Variants in FHL2 observed in about 807,000 individuals in gnomAD.
The protein encoded by FHL2 is four and a half LIM domains 2, also known as four and a half LIM domains protein 2.
In FHL2, 20 loss-of-function variants were observed where a neutral mutation model predicts 32.7. The observed-to-expected ratio is 0.61, with a 90% CI of 0.43 to 0.89. The LOEUF (loss-of-function observed/expected upper bound fraction) is 0.89. FHL2 is among the 40% of genes least tolerant of loss of function. The probability of loss-of-function intolerance (pLI) is 0.00; values close to 1 mark genes in which losing one functional copy is unlikely to be tolerated. For missense variants in FHL2, 311 were observed against 358.6 expected, an observed-to-expected ratio of 0.87 and a Z score of 1.07; for synonymous variants, 123 against 128.1, an observed-to-expected ratio of 0.96 and a Z score of 0.27.
At position 105,435,676 on chromosome 2, in the gene FHL2, G is replaced by A. The variant is rs142180589; in HGVS notation, c.-25+2723C>T. On this transcript the variant is annotated intron_variant, in intron 1 of 5. Transcript: ENST00000393352. ...GTCTTCACTAAAAAAACAAAAATTA[G>A]CCGGACATGGTGGCAGGCGCCTGTA... Among the ~76,000 whole-genome samples the A allele has an allele frequency of 4.6e-3, 700 of 152,188 alleles. 6 individuals carry two copies. The highest frequency in any genetic ancestry group is 0.016 in the African/African-American group (657 of 41,524).
At chr2:105,381,272 A>G (rs1174611640) in intron 3 of FHL2, among the ~76,000 whole-genome samples, 1 of 152,162 alleles carries the variant, frequency 6.6e-6, no homozygotes, top group African/African-American at 2.4e-5. Context: ...TCAAATCCTT[A>G]CAAATAAAGA....
At chr2:105,403,969 C>T (rs571989034), upstream of FHL2, among the ~76,000 whole-genome samples, 4 of 152,164 alleles carry the variant, frequency 2.6e-5, no homozygotes, top group Non-Finnish European at 4.4e-5. Context: ...GGCTTCTAGG[C>T]GTGTGCTCGC....
chr2:105,359,722 T>G (rs748481682), downstream of FHL2: 3 of 152,226 alleles, frequency 2.0e-5, no homozygotes, highest in Non-Finnish European at 4.4e-5. Context: ...TGTGTGTCTC[T>G]CCTGCTTTAC....
chr2:105,399,160 G>A (rs1573379195), upstream of FHL2: 2 of 1,361,512 alleles, frequency 1.5e-6, no homozygotes, highest in East Asian at 6.1e-5. Flanking sequence ...CGGGGGGCGG[G>A]CGCCCCCAGG....
rs369972168 is a variant in FHL2, at chr2:105,367,550, C to G, written c.501+20G>C. The G allele has an allele frequency of 2.5e-6, 4 of 1,601,200 alleles. No homozygotes were observed. Among genetic ancestry groups the G allele is most frequent in the Non-Finnish European group, 3.4e-6 (4 of 1,172,254 alleles). On this transcript the variant is annotated intron_variant, in intron 5 of 6. Coordinates refer to ENST00000530340, the MANE Select transcript of FHL2 (RefSeq NM_001318895.3). Reference sequence around the variant, plus strand: ...CAAACCAGCCAGAACGTGCAAGGGCCAAGGGGGCATCTGAGATACCTTTTT... The same window carrying G: ...CAAACCAGCCAGAACGTGCAAGGGCGAAGGGGGCATCTGAGATACCTTTTT...
chr2:105,405,832 C>T (rs1490528397), intron 1 of FHL2, among the ~76,000 whole-genome samples: 1 of 152,152 alleles, frequency 6.6e-6, no homozygotes, highest in Non-Finnish European at 1.5e-5. Flanking sequence ...TATGTGGCCA[C>T]AGGTAACACC....
upstream of FHL2, chr2:105,399,793 G>A (rs992560476): frequency 1.7e-6 from 1 of 594,604 alleles, no homozygotes; most frequent in Non-Finnish European, 2.8e-6. Context: ...ATCCCTGGGA[G>A]AGGGTGCGTC....
chr2:105,364,669 G>C (rs566559996), intron 5 of FHL2, among the ~76,000 whole-genome samples: 1 of 152,304 alleles, frequency 6.6e-6, no homozygotes, highest in Admixed American at 6.5e-5. Flanking sequence ...GTGGAAGATG[G>C]AGTGCAAGCA....
Position 105,398,970 on chromosome 2 carries a change from G to T in FHL2, c.-204C>A, listed in dbSNP as rs773979088. 18 of 1,528,998 alleles carry T rather than the reference G, an allele frequency of 1.2e-5. No homozygotes were observed. The East Asian group carries it at 4.3e-4, about 36-fold the overall frequency. 94.7% of individuals were successfully genotyped at this position (1,528,998 alleles called of 1,614,324 possible). ...GGCGCAGGGGGTTGGAGGTACTCAC[G>T]GCACCGCAGCGGGCCGGGGACTCCC... On this transcript the variant is annotated 5_prime_UTR_variant, in exon 1 of 7. Transcript: ENST00000530340.
At chr2:105,388,517 C>A (rs1424756176) in intron 2 of FHL2, among the ~76,000 whole-genome samples, 1 of 152,076 alleles carries the variant, frequency 6.6e-6, no homozygotes, top group Non-Finnish European at 1.5e-5. Flanking sequence ...GGAAAGTTTT[C>A]TCTGTTCTTA....
intron 1 of FHL2, among the ~76,000 whole-genome samples, chr2:105,427,611 G>A (rs577379673): frequency 6.6e-5 from 10 of 152,310 alleles, no homozygotes; most frequent in Admixed American, 5.2e-4. Flanking sequence ...CCTTGTGAGG[G>A]AGTTACATCA....
intron 5 of FHL2, 91 bp downstream of exon 5, chr2:105,367,479 T>C: frequency 7.7e-7 from 1 of 1,306,804 alleles, no homozygotes; most frequent in Non-Finnish European, 1.1e-6. Flanking sequence ...GTATCACAGG[T>C]ATCCTTGGTT....
At chr2:105,368,520 C>A (rs1201809178) in intron 4 of FHL2, among the ~76,000 whole-genome samples, 4 of 152,098 alleles carry the variant, frequency 2.6e-5, no homozygotes, top group Admixed American at 1.3e-4. Context: ...ACTTGTACAT[C>A]CCATTTAGTA....
upstream of FHL2, chr2:105,399,730 A>G: frequency 9.3e-7 from 1 of 1,072,458 alleles, no homozygotes; most frequent in Non-Finnish European, 1.3e-6. Flanking sequence ...GACGCTGGGT[A>G]GGGACAGATG....
intron 1 of FHL2, among the ~76,000 whole-genome samples, chr2:105,398,476 T>A (rs1462586947): frequency 1.3e-5 from 2 of 152,150 alleles, no homozygotes; most frequent in Admixed American, 1.3e-4. Context: ...GAGTCGGGCC[T>A]GGAAGCAGGC....
At chr2:105,414,428 T>C (rs1316988096) in intron 1 of FHL2, among the ~76,000 whole-genome samples, 2 of 152,216 alleles carry the variant, frequency 1.3e-5, no homozygotes, top group Admixed American at 1.3e-4. Flanking sequence ...TCATGCCTTG[T>C]TCTTTCCAGT....
chr2:105,436,510 A>T (rs1684615857), intron 1 of FHL2, among the ~76,000 whole-genome samples: 1 of 152,180 alleles, frequency 6.6e-6, no homozygotes, highest in Non-Finnish European at 1.5e-5. Flanking sequence ...AGTAAAAGAC[A>T]TTGGCCATAA....
intron 1 of FHL2, among the ~76,000 whole-genome samples, chr2:105,429,879 T>C (rs766886585): frequency 3.9e-5 from 6 of 152,180 alleles, no homozygotes; most frequent in Non-Finnish European, 7.3e-5. Context: ...CTTTCTGTGA[T>C]ACAACGTGGG....
intron 5 of FHL2, 152 bp from the exon 6 acceptor site, chr2:105,363,623 T>G: frequency 1.4e-6 from 1 of 710,144 alleles, no homozygotes; most frequent in East Asian, 2.7e-5. Context: ...TCACAGTCAC[T>G]CGTCACCCTC....
Sources: gnomAD v4.1 joint callset for allele counts (sites outside exome capture counted in the v4.1 genomes callset) on GRCh38, gnomAD v4.1.1 for gene constraint, MANE v1.5 for transcripts, NCBI Gene and HGNC (gene_info 2026-07-23, HGNC 2026-07-21) for gene names.